NPHP3: variants seen among roughly 807,000 people sequenced by gnomAD.
The protein encoded by NPHP3 is nephrocystin-3.
In NPHP3, 123 loss-of-function variants were observed where a neutral mutation model predicts 171.9. That is an observed-to-expected ratio of 0.72 (90% CI 0.62 to 0.83). The LOEUF (loss-of-function observed/expected upper bound fraction) is 0.83. Among genes scored for constraint, NPHP3 ranks in the 40% least tolerant of loss-of-function variants. The pLI is 0.00. For missense variants in NPHP3, 1,506 were observed against 1,591.9 expected (o/e 0.95, Z 0.92); for synonymous variants, 558 against 579.2 (o/e 0.96, Z 0.52).
chr3:132,691,103 T>G, intron 18 of NPHP3, 89 bp downstream of exon 18: 1 of 1,018,104 alleles, frequency 9.8e-7, no homozygotes, highest in Non-Finnish European at 1.6e-6. Context: ...GTTTTTGTAC[T>G]TTAAGTTGTA....
At chr3:132,689,682 A>G (rs1173333967) in intron 19 of NPHP3, among the ~76,000 whole-genome samples, 2 of 152,232 alleles carry the variant, frequency 1.3e-5, no homozygotes, top group Non-Finnish European at 2.9e-5. Flanking sequence ...TTAAGTATGG[A>G]AATTCAAAGA....
chr3:132,684,356 CAA>C (rs1939103004), intron 24 of NPHP3, among the ~76,000 whole-genome samples, 196 bp downstream of exon 24: 2 of 152,084 alleles, frequency 1.3e-5, no homozygotes, highest in Admixed American at 1.3e-4. Flanking sequence ...ATTTCAGAAT[CAA>C]GAATCAATGT....
chr3:132,716,897 TG>T lies in NPHP3; in HGVS notation c.682del (p.Gln228AsnfsTer16). The T allele has an allele frequency of 6.2e-7, 1 of 1,614,006 alleles. No homozygotes were observed. Among genetic ancestry groups the T allele is most frequent in the East Asian group, 2.2e-5 (1 of 44,878 alleles). ...NCTDVTAAGT[Q>X]CEYWTGGALG... ...GGCTCCGCCAGTCCAATATTCACAT[TG>T]GGTTCCAGCAGCTGTTCAGCAAGAG... is the stretch of plus-strand genomic sequence containing the variant. On this transcript the variant is annotated frameshift_variant, in exon 4 of 27. Transcript: ENST00000337331. LOFTEE classifies it high-confidence loss of function.
intron 26 of NPHP3, 190 bp from the exon 27 acceptor site, chr3:132,682,280 T>C (rs1939051112): frequency 1.6e-6 from 1 of 617,008 alleles, no homozygotes. Flanking sequence ...ATCAGTATTT[T>C]TGTGTCTCAT....
chr3:132,695,200 A>C, intron 15 of NPHP3: 3 of 472,958 alleles, frequency 6.3e-6, no homozygotes, highest in Non-Finnish European at 1.2e-5. Flanking sequence ...TTATTTGTTA[A>C]GCAATTACTA....
At chr3:132,682,231 C>G in intron 26 of NPHP3, 141 bp from the exon 27 acceptor site, 2 of 729,028 alleles carry the variant, frequency 2.7e-6, no homozygotes, top group Non-Finnish European at 4.7e-6. Flanking sequence ...TCAAGCAGAC[C>G]AGTAAAACAA....
chr3:132,712,501 C>T (rs1384656980), intron 6 of NPHP3: 2 of 456,014 alleles, frequency 4.4e-6, no homozygotes, highest in Non-Finnish European at 8.8e-6. Context: ...GTGTGTTGGC[C>T]TACGCCTGTA....
At chr3:132,699,207 T>C (rs1939538459) in intron 13 of NPHP3, 146 bp downstream of exon 13, 1 of 642,934 alleles carries the variant, frequency 1.6e-6, no homozygotes, top group Non-Finnish European at 2.7e-6. Context: ...GATTGTATTT[T>C]TTTTTCATAA....
intron 24 of NPHP3, 69 bp from the exon 25 acceptor site, chr3:132,683,593 A>G (rs1023789987): frequency 3.1e-6 from 4 of 1,306,472 alleles, no homozygotes; most frequent in East Asian, 2.4e-5. Flanking sequence ...AGCTTTTTCC[A>G]TAAGTAAAAT....
At chr3:132,700,110 G>T in intron 11 of NPHP3, 49 bp from the exon 12 acceptor site, 1 of 1,598,804 alleles carries the variant, frequency 6.3e-7, no homozygotes, top group East Asian at 2.2e-5. Flanking sequence ...CGTAGTTACT[G>T]AAGTAGTTAC....
chr3:132,719,530 C>G (rs1940146432), intron 2 of NPHP3, among the ~76,000 whole-genome samples, 175 bp downstream of exon 2: 1 of 152,122 alleles, frequency 6.6e-6, no homozygotes, highest in Non-Finnish European at 1.5e-5. Flanking sequence ...GAAATGATCT[C>G]AAGTTTACCA....
intron 6 of NPHP3, among the ~76,000 whole-genome samples, 158 bp downstream of exon 6, chr3:132,712,968 T>C (rs1466621585): frequency 6.6e-6 from 1 of 152,174 alleles, no homozygotes; most frequent in Non-Finnish European, 1.5e-5. Flanking sequence ...AACTTTTAAT[T>C]ATTTTATTTA....
At position 132,692,828 on chromosome 3, in the gene NPHP3, AAAAC is replaced by A; in HGVS notation, c.2311-14_2311-11del. ...TGACAAGGCAGAGGATCTAGGTAGA[AAAAC>A]AAATTAACAGTAATCATAAAGCACC... is the stretch of plus-strand genomic sequence containing the variant. On this transcript the variant is annotated splice_polypyrimidine_tract_variant and intron_variant, in intron 16 of 26. Transcript: ENST00000337331. The A allele has an allele frequency of 6.2e-7, 1 of 1,612,846 alleles. No homozygotes were observed. Among genetic ancestry groups the A allele is most frequent in the Non-Finnish European group, 8.5e-7 (1 of 1,178,894 alleles).
rs772436337 is a variant in NPHP3 at position 132,722,406 on chromosome 3, G to A, written c.-51C>T. Reference sequence around the variant, plus strand: ...TGAGTACCAGCAGGACTGGGCAGCGGAACGGAACGGGACGGGGTGGGGCAG... The same window carrying A: ...TGAGTACCAGCAGGACTGGGCAGCGAAACGGAACGGGACGGGGTGGGGCAG... On this transcript the variant is annotated 5_prime_UTR_variant, in exon 1 of 27. Transcript: ENST00000337331. 4.3e-6 allele frequency: 6 copies of A among 1,397,488 alleles called. No homozygotes were observed. The highest frequency in any genetic ancestry group is 1.5e-5 in the African/African-American group (1 of 64,574). The allele number at this position is 1,397,488 out of a possible 1,614,324, so 86.6% of individuals were successfully genotyped here.
intron 6 of NPHP3, among the ~76,000 whole-genome samples, chr3:132,712,765 C>CA (rs1246747017): frequency 0.01 from 1,347 of 130,878 alleles, 29 homozygotes; most frequent in African/African-American, 0.034. Flanking sequence ...GACTCTGTCT[C>CA]AAAAAAAAAA....
intron 13 of NPHP3, among the ~76,000 whole-genome samples, chr3:132,697,646 A>G (rs1939491104): frequency 6.6e-6 from 1 of 152,240 alleles, no homozygotes; most frequent in Non-Finnish European, 1.5e-5. Flanking sequence ...GTTCCATACT[A>G]TCAGTAAAAC....
At chr3:132,687,249 TCAAA>T (rs772740682) in intron 21 of NPHP3, 23 bp from the exon 22 acceptor site, 12 of 1,039,638 alleles carry the variant, frequency 1.2e-5, no homozygotes, top group Non-Finnish European at 1.8e-5. Flanking sequence ...TTACAGTAAG[TCAAA>T]CAAAAGAAAC....
At chr3:132,718,861 A>G in intron 3 of NPHP3, 133 bp downstream of exon 3, 1 of 861,132 alleles carries the variant, frequency 1.2e-6, no homozygotes, top group South Asian at 1.5e-5. Context: ...AACACACGAC[A>G]CTATTTGCAA....
At chr3:132,692,097 C>T (rs1939313825) in intron 17 of NPHP3, among the ~76,000 whole-genome samples, 1 of 152,136 alleles carries the variant, frequency 6.6e-6, no homozygotes, top group Non-Finnish European at 1.5e-5. Flanking sequence ...TATTTAGATA[C>T]ACAAATACTT....
Sources: allele counts gnomAD v4.1 joint callset (sites outside exome capture counted in the v4.1 genomes callset), GRCh38; gene constraint gnomAD v4.1.1; transcripts MANE v1.5; gene names NCBI Gene and HGNC (gene_info 2026-07-23, HGNC 2026-07-21).